CERT1: variants seen among roughly 807,000 people sequenced by gnomAD.
The protein encoded by CERT1 is ceramide transfer protein.
CERT1 carries 31 observed loss-of-function variants against 87.9 expected under a neutral mutation model. The observed-to-expected ratio is 0.35, with a 90% CI of 0.27 to 0.48. CERT1 has a LOEUF of 0.48. CERT1 is among the 20% of genes least tolerant of loss of function. The pLI is 0.99. For missense variants in CERT1, 487 were observed against 758.0 expected (o/e 0.64, Z 4.20); for synonymous variants, 289 against 250.9 (o/e 1.15, Z -1.44).
intron 2 of CERT1, among the ~76,000 whole-genome samples, chr5:75,463,632 G>T (rs1765332085): frequency 6.6e-6 from 1 of 152,178 alleles, no homozygotes; most frequent in Non-Finnish European, 1.5e-5. Flanking sequence ...TGACTTAACA[G>T]GTGTTACCAA....
intron 2 of CERT1, among the ~76,000 whole-genome samples, chr5:75,488,961 A>G (rs1766651627): frequency 6.6e-6 from 1 of 152,192 alleles, no homozygotes; most frequent in African/African-American, 2.4e-5. Flanking sequence ...AGCAAAAAGA[A>G]CAAAGCTGGA....
At chr5:75,475,908 G>C (rs905735945) in intron 2 of CERT1, among the ~76,000 whole-genome samples, 4 of 152,012 alleles carry the variant, frequency 2.6e-5, no homozygotes, top group Non-Finnish European at 5.9e-5. Context: ...CTGGATTTTT[G>C]AGAGGACAGA....
chr5:75,444,492 C>T (rs1764454375), intron 3 of CERT1, among the ~76,000 whole-genome samples: 1 of 151,664 alleles, frequency 6.6e-6, no homozygotes, highest in Non-Finnish European at 1.5e-5. Flanking sequence ...TTTTGTCCCT[C>T]ATTTCCTGCA....
At chr5:75,508,629 G>C (rs764961903) in intron 1 of CERT1, among the ~76,000 whole-genome samples, 20 of 152,062 alleles carry the variant, frequency 1.3e-4, no homozygotes, top group Non-Finnish European at 2.8e-4. Flanking sequence ...CACTGCAGGG[G>C]AATCAAATAT....
intron 14 of CERT1, 101 bp from the exon 15 acceptor site, chr5:75,382,178 A>T (rs1159206752): frequency 9.2e-7 from 1 of 1,090,258 alleles, no homozygotes; most frequent in South Asian, 1.6e-5. Context: ...AAATCTCTCA[A>T]ATTTTAAATG....
chr5:75,404,303 A>AC (rs1561237917), intron 8 of CERT1, among the ~76,000 whole-genome samples: 2 of 151,394 alleles, frequency 1.3e-5, no homozygotes, highest in African/African-American at 4.9e-5. Flanking sequence ...AAAAAAAAAA[A>AC]AAAAAAAAAA....
chr5:75,511,756 T>C, upstream of CERT1: 1 of 1,548,600 alleles, frequency 6.5e-7, no homozygotes, highest in Non-Finnish European at 8.7e-7. Flanking sequence ...TCCCGAACCC[T>C]ACCTCCGGCT....
intron 2 of CERT1, among the ~76,000 whole-genome samples, chr5:75,497,094 T>C (rs902689784): frequency 2.0e-5 from 3 of 152,118 alleles, no homozygotes; most frequent in African/African-American, 4.8e-5. Context: ...AGTTAACTAT[T>C]TTTTTAGGTT....
At position 75,487,918 on chromosome 5, in the gene CERT1, C is replaced by A. The variant is rs185091330; in HGVS notation, c.231+18064G>T. The stretch of plus-strand genomic sequence containing the variant: ...GTCATTTCAAATAACATGGATGGAA[C>A]TGGAGGACATTATGTCAAGTGAAAT... On this transcript the variant is annotated intron_variant, in intron 2 of 16. Transcript: ENST00000643780. 2.0e-3 allele frequency among the ~76,000 whole-genome samples: 304 copies of A among 152,112 alleles called. 2 individuals carry two copies. The highest frequency in any genetic ancestry group is 2.9e-3 in the Non-Finnish European group (196 of 67,940).
intron 3 of CERT1, among the ~76,000 whole-genome samples, chr5:75,446,742 T>A (rs1365195307): frequency 6.6e-6 from 1 of 152,220 alleles, no homozygotes; most frequent in Non-Finnish European, 1.5e-5. Context: ...TTCTTCGGAT[T>A]TTTTCTAGCC....
At chr5:75,495,956 A>T (rs372357177) in intron 2 of CERT1, among the ~76,000 whole-genome samples, 211 of 152,188 alleles carry the variant, frequency 1.4e-3, no homozygotes, top group East Asian at 3.7e-3. Context: ...AATAAATAAA[A>T]AAAAGAACTT....
At chr5:75,420,495 C>T (rs908694557) in intron 5 of CERT1, among the ~76,000 whole-genome samples, 22 of 151,998 alleles carry the variant, frequency 1.4e-4, no homozygotes, top group African/African-American at 5.3e-4. Flanking sequence ...AGGCGCCTGC[C>T]ACCATGCCTG....
chr5:75,406,139 A>T (rs558935487), intron 8 of CERT1, among the ~76,000 whole-genome samples: 1 of 152,354 alleles, frequency 6.6e-6, no homozygotes, highest in South Asian at 2.1e-4. Context: ...TTGTCTCAGG[A>T]TCTGAACTAA....
At chr5:75,400,033 G>C (rs1039811264) in intron 10 of CERT1, among the ~76,000 whole-genome samples, 172 bp downstream of exon 10, 1 of 152,196 alleles carries the variant, frequency 6.6e-6, no homozygotes, top group Non-Finnish European at 1.5e-5. Context: ...CAGGGAGGCT[G>C]AGGCACGAGA....
chr5:75,489,322 A>G (rs1766666567), intron 2 of CERT1, among the ~76,000 whole-genome samples: 1 of 152,246 alleles, frequency 6.6e-6, no homozygotes, highest in African/African-American at 2.4e-5. Flanking sequence ...AATATCATTG[A>G]GGACATAGGC....
chr5:75,508,486 T>G (rs913008240), intron 1 of CERT1, among the ~76,000 whole-genome samples: 1 of 152,192 alleles, frequency 6.6e-6, no homozygotes, highest in African/African-American at 2.4e-5. Flanking sequence ...TGTATCAGCT[T>G]CAGGACCCTT....
intron 3 of CERT1, among the ~76,000 whole-genome samples, chr5:75,444,639 T>C (rs184011157): frequency 4.8e-4 from 72 of 149,130 alleles, no homozygotes; most frequent in African/African-American, 1.7e-3. Context: ...CTCCACCTCC[T>C]GGGTTCAAGA....
At chr5:75,498,365 G>A (rs535833768) in intron 2 of CERT1, among the ~76,000 whole-genome samples, 10 of 152,290 alleles carry the variant, frequency 6.6e-5, no homozygotes, top group African/African-American at 2.2e-4. Context: ...GGGCATGTCC[G>A]AGACCTTCAT....
chr5:75,379,554 T>C (rs1430164260), intron 16 of CERT1, 81 bp from the exon 17 acceptor site: 2 of 1,294,168 alleles, frequency 1.5e-6, no homozygotes, highest in Non-Finnish European at 2.2e-6. Context: ...TTCCCTTGTT[T>C]TTAAAATATT....
Sources: allele counts gnomAD v4.1 joint callset (sites outside exome capture counted in the v4.1 genomes callset), GRCh38; gene constraint gnomAD v4.1.1; transcripts MANE v1.5; gene names NCBI Gene and HGNC (gene_info 2026-07-23, HGNC 2026-07-21).